The following SHC1 variants were observed in gnomAD, a reference collection of about 807,000 sequenced individuals.
The protein encoded by SHC1 is SHC adaptor protein 1, also known as SHC-transforming protein 1.
In SHC1, 30 loss-of-function variants were observed where a neutral mutation model predicts 55.9. The ratio of observed to expected loss-of-function variants is 0.54; its 90% CI spans 0.40 to 0.73. SHC1 has a LOEUF of 0.73. SHC1 is among the 30% of genes least tolerant of loss of function. SHC1 has a pLI of 0.00. For missense variants in SHC1, 675 were observed against 777.1 expected (o/e 0.87, Z 1.56); for synonymous variants, 309 against 306.1 (o/e 1.01, Z -0.10).
intron 11 of SHC1, chr1:154,965,305 G>C: frequency 7.4e-7 from 1 of 1,345,502 alleles, no homozygotes; most frequent in South Asian, 1.4e-5. Context: ...CCAAAGCGCT[G>C]GGATTACAGG....
chr1:154,964,210 G>A (rs1186587119), intron 11 of SHC1: 2 of 540,976 alleles, frequency 3.7e-6, no homozygotes, highest in African/African-American at 1.9e-5. Context: ...GGAGGAAGTT[G>A]GCATGTCTCA....
chr1:154,969,244 A>C, intron 2 of SHC1, 134 bp downstream of exon 2: 1 of 675,894 alleles, frequency 1.5e-6, no homozygotes, highest in Non-Finnish European at 2.7e-6. Context: ...TCACTACCTC[A>C]GCTTTCTCTC....
chr1:154,974,001 T>C (rs945274339), upstream of SHC1, among the ~76,000 whole-genome samples: 6 of 151,460 alleles, frequency 4.0e-5, no homozygotes, highest in South Asian at 1.2e-3. Context: ...GGGTTTCTCG[T>C]AGTAGGGCTT....
At chr1:154,966,956 C>G (rs1322343051) in intron 7 of SHC1, among the ~76,000 whole-genome samples, 1 of 152,132 alleles carries the variant, frequency 6.6e-6, no homozygotes, top group Non-Finnish European at 1.5e-5. Flanking sequence ...AAAAATACTA[C>G]TACTCAGCCA....
intron 7 of SHC1, among the ~76,000 whole-genome samples, chr1:154,967,469 C>G (rs141328981): frequency 1.2e-4 from 18 of 152,270 alleles, no homozygotes; most frequent in African/African-American, 3.6e-4. Flanking sequence ...CATGAGCAAA[C>G]AAGAAAAGCT....
chr1:154,967,951 C>T (rs1656221010), intron 6 of SHC1, 29 bp downstream of exon 6: 13 of 1,612,828 alleles, frequency 8.1e-6, no homozygotes, highest in Non-Finnish European at 1.1e-5. Flanking sequence ...AACAGCCAGA[C>T]CCACCCAGTG....
rs1655528325 is a variant in SHC1, at chr1:154,963,337, T to A, written c.*466A>T. 6.5e-6 allele frequency: 1 copy of A among 154,348 alleles called. No individual in the cohort carries two copies. Among genetic ancestry groups the A allele is most frequent in the African/African-American group, 2.4e-5 (1 of 41,108 alleles). 9.6% of individuals were successfully genotyped at this position (154,348 alleles called of 1,614,324 possible). The stretch of plus-strand genomic sequence containing the variant: ...TTCAGGGGTCCAAGAACTGTTTGCA[T>A]AAAATATCATTAGACCTAAGAGATG... On this transcript the variant is annotated 3_prime_UTR_variant, in exon 12 of 12. Coordinates refer to ENST00000448116, the MANE Select transcript of SHC1 (RefSeq NM_001130040.2).
chr1:154,972,259 T>A (rs111552903), upstream of SHC1, among the ~76,000 whole-genome samples: 10,596 of 150,172 alleles, frequency 0.071, 474 homozygotes, highest in Non-Finnish European at 0.1. Context: ...AAAAAAAAAA[T>A]ACGTATTCCC....
In SHC1 at chr1:154,965,387, G is replaced by A. The variant is rs8191978; in HGVS notation, c.1626+156C>T. On this transcript the variant is annotated intron_variant, in intron 11 of 11. Transcript: ENST00000448116. ...GTTCAGGCTAAGGGATGAGCCTCTG[G>A]AGGAAGATGCCAGACACTTTAAAGA... 2.3e-4 allele frequency: 370 copies of A among 1,605,998 alleles called. 4 individuals are homozygous for A. In the East Asian group the frequency reaches 6.4e-3, roughly 28 times the overall value.
At chr1:154,964,232 A>G (rs530416372) in intron 11 of SHC1, 26 of 503,598 alleles carry the variant, frequency 5.2e-5, no homozygotes, top group Non-Finnish European at 4.4e-5. Flanking sequence ...AAGAGTATAC[A>G]CAGTGCAAAA....
chr1:154,970,074 G>T lies in SHC1; in HGVS notation c.453C>A (p.Pro151=). The stretch of plus-strand genomic sequence containing the variant: ...CCCCGGGTCCCATGACTTTGTCGTT[G>T]GGATGCAGCCAGCCCCGCGTGGGCT... ...VNKPTRGWLH[P]NDKVMGPGVS... is the part of the protein sequence containing the mutation. The change falls in exon 1 of 12, where the codon CCC becomes CCA. Residue 151 remains proline (P), a synonymous_variant. Coordinates refer to ENST00000448116, the MANE Select transcript of SHC1 (RefSeq NM_001130040.2). This position sits in a 1 kb window ranked among gnomAD's most constrained non-coding sequence, Gnocchi z 5.5. 1 of 1,613,994 alleles carries T rather than the reference G, an allele frequency of 6.2e-7. No homozygotes were observed. Among genetic ancestry groups the T allele is most frequent in the Non-Finnish European group, 8.5e-7 (1 of 1,179,966 alleles).
Position 154,963,856 on chromosome 1 carries a change from T to A in SHC1, c.1702A>T (p.Ile568Phe). The change falls in exon 12 of 12, where the codon ATC becomes TTC. Residue 568 changes from isoleucine to phenylalanine, a missense_variant. Ile to Phe is a conservative substitution (Grantham distance 21). Coordinates refer to ENST00000448116, the MANE Select transcript of SHC1 (RefSeq NM_001130040.2). ...SYHMDNHLPIISAGSELCLQQ... is the reference protein window; with the variant it reads ...SYHMDNHLPIFSAGSELCLQQ... ...AGACACAGTTCGCTGCCCGCAGAGA[T>A]GATGGGCAAGTGATTGTCCATGTGG... 6.2e-7 allele frequency: 1 copy of A among 1,614,062 alleles called. No homozygotes were observed. The highest frequency in any genetic ancestry group is 8.5e-7 in the Non-Finnish European group (1 of 1,179,916).
chr1:154,970,751 TGAGAA>T (rs1448678381), upstream of SHC1: 1 of 469,704 alleles, frequency 2.1e-6, no homozygotes, highest in African/African-American at 2.1e-5. The surrounding 1 kb of genome is among the most constrained non-coding windows in gnomAD (Gnocchi z 5.5). Context: ...CTTCTCTGGC[TGAGAA>T]GAGAACAGGC....
chr1:154,965,516 C>T, intron 11 of SHC1, 27 bp downstream of exon 11: 1 of 1,614,032 alleles, frequency 6.2e-7, no homozygotes. Context: ...TTTTGCCACC[C>T]CTCACCCACA....
upstream of SHC1, among the ~76,000 whole-genome samples, chr1:154,971,936 C>CAA (rs111666890): frequency 1.4e-4 from 19 of 135,942 alleles, no homozygotes; most frequent in African/African-American, 3.8e-4. Context: ...GGAAAGTGAC[C>CAA]AAAAAAAAAA....
At chr1:154,967,581 C>T (rs1424466450) in intron 7 of SHC1, 90 bp downstream of exon 7, 6 of 1,422,160 alleles carry the variant, frequency 4.2e-6, no homozygotes, top group Non-Finnish European at 5.8e-6. Context: ...TTATTCCCTC[C>T]CTGAACCTCT....
Position 154,968,210 on chromosome 1 carries a change from C to T in SHC1, c.798G>A (p.Gly266=), listed in dbSNP as rs763850660. ...HMQSISFASG[G]DPDTAEYVAY... is the part of the protein sequence containing the mutation. ...GCTCTGTTCCCCAACTCACCGGATC[C>T]CCGCCGGATGCAAATGAGATAGATT... is the stretch of plus-strand genomic sequence containing the variant. Residue 266 remains glycine, a synonymous_variant, in exon 5 of 12, where the codon GGG becomes GGA. Coordinates refer to ENST00000448116, the MANE Select transcript of SHC1 (RefSeq NM_001130040.2). 2 of 1,614,102 alleles carry T rather than the reference C, an allele frequency of 1.2e-6. No individual in the cohort carries two copies. Among genetic ancestry groups the T allele is most frequent in the Non-Finnish European group, 1.7e-6 (2 of 1,179,984 alleles).
intron 6 of SHC1, 47 bp from the exon 7 acceptor site, chr1:154,967,844 A>G (rs1370904726): frequency 1.9e-6 from 3 of 1,609,118 alleles, no homozygotes; most frequent in South Asian, 1.1e-5. Context: ...CACTGGGAGG[A>G]GGCACAGACA....
rs1329467442 is a variant in SHC1, at chr1:154,970,203, G to A, written c.324C>T (p.Leu108=). The change falls in exon 1 of 12, where the codon CTC becomes CTT. Residue 108 remains leucine (L), a synonymous_variant. Coordinates refer to ENST00000448116, the MANE Select transcript of SHC1 (RefSeq NM_001130040.2). The surrounding 1 kb of genome is among the most constrained non-coding windows in gnomAD (Gnocchi z 5.5). ...AMPDSGPLPL[L]QDMNKLSGGG... ...CTCCACTCAGCTTGTTCATGTCCTG[G>A]AGGAGGGGTAGGGGGCCTGAGTCTG... is the stretch of plus-strand genomic sequence containing the variant. 8.1e-6 allele frequency: 13 copies of A among 1,613,818 alleles called. No individual in the cohort carries two copies. The highest frequency in any genetic ancestry group is 1.1e-5 in the Non-Finnish European group (13 of 1,179,946).
Sources: gnomAD v4.1 joint callset for allele counts (sites outside exome capture counted in the v4.1 genomes callset) on GRCh38, gnomAD v4.1.1 for gene constraint, Gnocchi (gnomAD v3.1) non-coding constraint, MANE v1.5 for transcripts, NCBI Gene and HGNC (gene_info 2026-07-23, HGNC 2026-07-21) for gene names.